The following GRM8 variants were observed in gnomAD, a reference collection of about 807,000 sequenced individuals.
GRM8 encodes the protein glutamate metabotropic receptor 8.
In GRM8, 47 loss-of-function variants were observed where a neutral mutation model predicts 87.2. The ratio of observed to expected loss-of-function variants is 0.54; its 90% CI spans 0.43 to 0.69. GRM8 has a LOEUF of 0.69. Ranked by LOEUF, GRM8 falls within the 30% of genes least tolerant of loss-of-function variation. The probability of loss-of-function intolerance (pLI) is 0.00; values close to 1 mark genes in which losing one functional copy is unlikely to be tolerated. For missense variants in GRM8, 1,019 were observed against 1,139.2 expected, an observed-to-expected ratio of 0.89 and a Z score of 1.52; for synonymous variants, 396 against 404.5, an observed-to-expected ratio of 0.98 and a Z score of 0.25.
At chr7:126,723,386 C>A (rs370493047) in intron 7 of GRM8, among the ~76,000 whole-genome samples, 102 of 151,978 alleles carry the variant, frequency 6.7e-4, no homozygotes, top group Non-Finnish European at 1.2e-3. Flanking sequence ...TGTAGACCTG[C>A]GGCCAACGGA....
chr7:126,552,272 T>A (rs1792673056), intron 8 of GRM8, among the ~76,000 whole-genome samples: 1 of 152,150 alleles, frequency 6.6e-6, no homozygotes, highest in African/African-American at 2.4e-5. Context: ...CTATTAGTTT[T>A]AACTATTCTT....
At chr7:127,104,347 A>G (rs1825617144) in intron 3 of GRM8, among the ~76,000 whole-genome samples, 2 of 152,196 alleles carry the variant, frequency 1.3e-5, no homozygotes, top group Non-Finnish European at 2.9e-5. Context: ...TTACAGAACT[A>G]ATGAATTTTC....
chr7:127,106,572 A>G lies in GRM8; in HGVS notation c.651T>C (p.Tyr217=), dbSNP rs748341975. ...VDIVTALGWN[Y]VSTLASEGNY... ...TCCCCTCAGAAGCCAGTGTCGAAAC[A>G]TAATTCCATCCCAGTGCTGTCACGA... Residue 217 remains tyrosine (Y), a synonymous_variant, in exon 3 of 11, where the codon TAT becomes TAC. Transcript: ENST00000339582. 1.9e-6 allele frequency: 3 copies of G among 1,614,056 alleles called. No homozygotes were observed. The highest frequency in any genetic ancestry group is 1.7e-5 in the Admixed American group (1 of 59,986).
intron 8 of GRM8, among the ~76,000 whole-genome samples, chr7:126,566,192 A>G (rs1320279139): frequency 6.6e-6 from 1 of 152,216 alleles, no homozygotes; most frequent in Non-Finnish European, 1.5e-5. Flanking sequence ...GAGGCACTAC[A>G]TCAACCAAAA....
chr7:127,222,754 G>T (rs1156916447), intron 2 of GRM8, among the ~76,000 whole-genome samples: 1 of 152,074 alleles, frequency 6.6e-6, no homozygotes, highest in Non-Finnish European at 1.5e-5. Flanking sequence ...GCAACAGGTG[G>T]GGACAATACT....
intron 2 of GRM8, among the ~76,000 whole-genome samples, chr7:127,160,844 A>C (rs1487130660): frequency 7.3e-6 from 1 of 136,076 alleles, no homozygotes; most frequent in Non-Finnish European, 1.5e-5. Context: ...GTGAGAATCC[A>C]GACTAACTCC....
intron 6 of GRM8, among the ~76,000 whole-genome samples, chr7:126,897,531 T>G (rs1801660572): frequency 6.6e-6 from 1 of 151,688 alleles, no homozygotes; most frequent in African/African-American, 2.4e-5. Context: ...GTCTGGGTTT[T>G]GGAGAGTGGA....
At chr7:126,780,428 A>C (rs1459735817) in intron 6 of GRM8, among the ~76,000 whole-genome samples, 16 of 152,086 alleles carry the variant, frequency 1.1e-4, no homozygotes, top group Non-Finnish European at 8.8e-5. Context: ...GCACTACATA[A>C]GATGATATTA....
At chr7:127,114,770 G>T (rs1039780436) in intron 2 of GRM8, among the ~76,000 whole-genome samples, 1 of 152,158 alleles carries the variant, frequency 6.6e-6, no homozygotes, top group African/African-American at 2.4e-5. Flanking sequence ...GTCATATGTT[G>T]ATTTCAGATA....
chr7:126,811,124 C>T (rs570050721), intron 6 of GRM8, among the ~76,000 whole-genome samples: 1 of 151,986 alleles, frequency 6.6e-6, no homozygotes, highest in South Asian at 2.1e-4. Context: ...TATGGAAAAG[C>T]GTGTTCATTC....
chr7:127,248,596 G>A (rs1022763482), intron 1 of GRM8, among the ~76,000 whole-genome samples: 10 of 152,120 alleles, frequency 6.6e-5, no homozygotes, highest in African/African-American at 2.4e-4. Context: ...TTCTAAAATG[G>A]GGAATGATTT....
intron 2 of GRM8, among the ~76,000 whole-genome samples, chr7:127,128,748 C>G (rs375393103): frequency 2.6e-5 from 4 of 152,144 alleles, no homozygotes; most frequent in South Asian, 4.2e-4. Flanking sequence ...ATTCCAAAGA[C>G]CACATTCTTT....
intron 7 of GRM8, among the ~76,000 whole-genome samples, chr7:126,706,497 A>G (rs950709352): frequency 6.6e-6 from 1 of 152,142 alleles, no homozygotes; most frequent in Non-Finnish European, 1.5e-5. Context: ...AAGGTCAGCC[A>G]TTTTGTCTTA....
At chr7:127,127,212 A>G (rs1035260339) in intron 2 of GRM8, among the ~76,000 whole-genome samples, 2 of 151,996 alleles carry the variant, frequency 1.3e-5, no homozygotes, top group Non-Finnish European at 2.9e-5. Context: ...TCACATATGT[A>G]CATATGTATG....
intron 6 of GRM8, among the ~76,000 whole-genome samples, chr7:126,802,668 G>T (rs1012091189): frequency 6.6e-6 from 1 of 152,096 alleles, no homozygotes; most frequent in South Asian, 2.1e-4. Context: ...TCTTCGTTTG[G>T]CCTTCCAGAA....
intron 9 of GRM8, among the ~76,000 whole-genome samples, chr7:126,509,544 T>C (rs1247786018): frequency 2.6e-5 from 4 of 152,036 alleles, no homozygotes; most frequent in Non-Finnish European, 4.4e-5. Context: ...AAAAGTATTA[T>C]TACAAATCAG....
intron 9 of GRM8, among the ~76,000 whole-genome samples, chr7:126,515,066 G>T (rs141554502): frequency 6.8e-4 from 104 of 152,142 alleles, no homozygotes; most frequent in African/African-American, 2.5e-3. Flanking sequence ...AAATGTGTGT[G>T]TTGGGGGGTA....
At chr7:127,193,192 G>GT (rs911577142) in intron 2 of GRM8, among the ~76,000 whole-genome samples, 88 of 152,226 alleles carry the variant, frequency 5.8e-4, no homozygotes, top group African/African-American at 2.0e-3. Context: ...ACACAAATTT[G>GT]TTTTTATGCT....
At chr7:126,963,256 T>A (rs1809497499) in intron 3 of GRM8, among the ~76,000 whole-genome samples, 1 of 152,226 alleles carries the variant, frequency 6.6e-6, no homozygotes, top group Non-Finnish European at 1.5e-5. Context: ...TTTTTGCATA[T>A]CTGATACCAT....
Sources: allele counts gnomAD v4.1 joint callset (sites outside exome capture counted in the v4.1 genomes callset), GRCh38; gene constraint gnomAD v4.1.1; transcripts MANE v1.5; gene names NCBI Gene and HGNC (gene_info 2026-07-23, HGNC 2026-07-21).